BARX2: variants seen among roughly 807,000 people sequenced by gnomAD.
The protein encoded by BARX2 is homeobox protein BarH-like 2.
A neutral mutation model predicts 25.5 loss-of-function variants in BARX2; 11 were observed. The observed-to-expected ratio is 0.43, with a 90% CI of 0.27 to 0.71. The LOEUF is 0.71. Among genes scored for constraint, BARX2 ranks in the 30% least tolerant of loss-of-function variants. BARX2 has a pLI of 0.19. For synonymous variants in BARX2, 137 were observed against 149.5 expected (o/e 0.92, Z 0.61); for missense variants, 360 against 359.9 (o/e 1.00, Z 0.00).
chr11:129,375,946 C>T lies in BARX2; in HGVS notation c.-90C>T. On this transcript the variant is annotated 5_prime_UTR_variant, in exon 1 of 4. Transcript: ENST00000281437. This position sits in a 1 kb window ranked among gnomAD's most constrained non-coding sequence, Gnocchi z 4.0. ...CTCCCCAGCTGCCGGGAGCGGGGCC[C>T]AGGCCCCGCCGTCGCGCCAGCCCCG... The T allele has an allele frequency of 2.6e-6, 2 of 784,236 alleles. No individual in the cohort carries two copies. The highest frequency in any genetic ancestry group is 3.1e-6 in the Non-Finnish European group (2 of 644,236). 48.6% of individuals were successfully genotyped at this position (784,236 alleles called of 1,614,324 possible).
At chr11:129,411,905 C>T (rs910952421) in intron 1 of BARX2, among the ~76,000 whole-genome samples, 4 of 152,188 alleles carry the variant, frequency 2.6e-5, no homozygotes, top group Non-Finnish European at 4.4e-5. Context: ...CCTGTCCTTT[C>T]GAGGAACTCG....
intron 1 of BARX2, among the ~76,000 whole-genome samples, chr11:129,404,206 C>T (rs567262807): frequency 3.9e-5 from 6 of 152,350 alleles, no homozygotes; most frequent in South Asian, 4.1e-4. Context: ...TTCTGAATGA[C>T]GTTGCCACGT....
intron 1 of BARX2, among the ~76,000 whole-genome samples, chr11:129,409,697 T>C (rs1254673216): frequency 1.3e-5 from 2 of 152,202 alleles, no homozygotes; most frequent in Non-Finnish European, 2.9e-5. Flanking sequence ...TGGTTTGATT[T>C]TTTCCCCTCT....
Position 129,375,991 on chromosome 11 carries a change from A to C in BARX2, c.-45A>C. The C allele has an allele frequency of 8.1e-7, 1 of 1,228,266 alleles. No individual in the cohort carries two copies. The highest frequency in any genetic ancestry group is 2.5e-5 in the South Asian group (1 of 40,584). 76.1% of individuals were successfully genotyped at this position (1,228,266 alleles called of 1,614,324 possible). A position where few individuals can be genotyped will look rare whatever the true frequency, so the allele number is the denominator to read the frequency against. On this transcript the variant is annotated 5_prime_UTR_variant, in exon 1 of 4. Transcript: ENST00000281437. This position sits in a 1 kb window ranked among gnomAD's most constrained non-coding sequence, Gnocchi z 4.0. ...GCCCCGCGGCCCCAGCGGGCCGGGC[A>C]CTCGCAGCCGCGCTCGGGCCGGCGG... is the stretch of plus-strand genomic sequence containing the variant.
chr11:129,440,680 G>T (rs1023497643), intron 2 of BARX2, among the ~76,000 whole-genome samples: 3 of 152,218 alleles, frequency 2.0e-5, no homozygotes, highest in African/African-American at 7.2e-5. Context: ...AAGACTCTGT[G>T]TATTATTGGG....
chr11:129,389,561 T>A (rs1290991685), intron 1 of BARX2, among the ~76,000 whole-genome samples: 2 of 152,028 alleles, frequency 1.3e-5, no homozygotes, highest in Non-Finnish European at 1.5e-5. Context: ...TTACTTTATT[T>A]TTTTTTTTAA....
At position 129,442,871 on chromosome 11, in the gene BARX2, G is replaced by T; in HGVS notation, c.525G>T (p.Leu175=). 1 of 1,614,002 alleles carries T rather than the reference G, an allele frequency of 6.2e-7. No individual in the cohort carries two copies. Among genetic ancestry groups the T allele is most frequent in the Non-Finnish European group, 8.5e-7 (1 of 1,179,928 alleles). Residue 175 remains leucine (L), a synonymous_variant, in exon 3 of 4, where the codon CTG becomes CTT. Coordinates refer to ENST00000281437, the MANE Select transcript of BARX2 (RefSeq NM_003658.5). ...CTCAGTCTCTGGGACTCACTCAGCTGCAGGTGAAGACCTGGTATCAGAATC... is the reference window on the plus strand; with the variant it reads ...CTCAGTCTCTGGGACTCACTCAGCTTCAGGTGAAGACCTGGTATCAGAATC... ...DLAQSLGLTQ[L]QVKTWYQNRR...
intron 1 of BARX2, among the ~76,000 whole-genome samples, chr11:129,379,508 G>A (rs1462255120): frequency 6.6e-6 from 1 of 151,968 alleles, no homozygotes. Flanking sequence ...CATTTAGGAT[G>A]CTTTATTTTC....
intron 1 of BARX2, among the ~76,000 whole-genome samples, chr11:129,388,166 G>C (rs1022211885): frequency 3.3e-5 from 5 of 152,014 alleles, no homozygotes; most frequent in Admixed American, 1.3e-4. Context: ...CATCAGCTCT[G>C]TTGGAACTTA....
intron 1 of BARX2, among the ~76,000 whole-genome samples, chr11:129,386,936 C>T (rs1327285397): frequency 1.3e-5 from 2 of 152,200 alleles, no homozygotes; most frequent in Non-Finnish European, 2.9e-5. Flanking sequence ...GGGGGCCTCA[C>T]CCCACCCACA....
intron 1 of BARX2, among the ~76,000 whole-genome samples, chr11:129,405,290 T>G (rs1262856841): frequency 1.3e-5 from 2 of 152,256 alleles, no homozygotes; most frequent in East Asian, 1.9e-4. Context: ...CTAGAAGGGG[T>G]GATGATAGAG....
intron 1 of BARX2, among the ~76,000 whole-genome samples, chr11:129,400,940 G>A (rs1312162498): frequency 1.3e-5 from 2 of 152,218 alleles, no homozygotes; most frequent in Admixed American, 6.5e-5. Flanking sequence ...GTGATCAGCT[G>A]TGTTAAAGGC....
intron 1 of BARX2, among the ~76,000 whole-genome samples, chr11:129,430,698 T>G (rs544036260): frequency 6.6e-6 from 1 of 152,302 alleles, no homozygotes; most frequent in South Asian, 2.1e-4. Flanking sequence ...TTCCCCTTTG[T>G]GGTTAAGCTC....
intron 2 of BARX2, among the ~76,000 whole-genome samples, chr11:129,439,981 C>T (rs1479533465): frequency 2.6e-5 from 4 of 152,074 alleles, no homozygotes. Flanking sequence ...CCAGGCATCT[C>T]TCAGGTCACC....
At chr11:129,427,094 CT>C (rs1434877535) in intron 1 of BARX2, among the ~76,000 whole-genome samples, 19 of 152,298 alleles carry the variant, frequency 1.2e-4, no homozygotes, top group African/African-American at 4.1e-4. Flanking sequence ...AATTAATCTA[CT>C]TTAATTTGGC....
At chr11:129,411,215 C>CA (rs1861882872) in intron 1 of BARX2, among the ~76,000 whole-genome samples, 1 of 151,744 alleles carries the variant, frequency 6.6e-6, no homozygotes, top group Non-Finnish European at 1.5e-5. Flanking sequence ...ACTAAAAATA[C>CA]AAAAAATTAG....
intron 1 of BARX2, among the ~76,000 whole-genome samples, chr11:129,419,596 G>A (rs1300365009): frequency 6.6e-6 from 1 of 152,130 alleles, no homozygotes; most frequent in African/African-American, 2.4e-5. Context: ...TATGTGCAAA[G>A]TCCAGCCCCT....
chr11:129,410,381 A>G (rs781212947), intron 1 of BARX2, among the ~76,000 whole-genome samples: 3 of 152,128 alleles, frequency 2.0e-5, no homozygotes, highest in Non-Finnish European at 4.4e-5. Flanking sequence ...TGTTAATGAC[A>G]GCTTTCTTTA....
At chr11:129,384,903 T>C (rs560957178) in intron 1 of BARX2, among the ~76,000 whole-genome samples, 1 of 152,302 alleles carries the variant, frequency 6.6e-6, no homozygotes, top group African/African-American at 2.4e-5. Flanking sequence ...GTTTATCATC[T>C]CCTTTGGTAA....
Sources: gnomAD v4.1 joint callset for allele counts (sites outside exome capture counted in the v4.1 genomes callset) on GRCh38, gnomAD v4.1.1 for gene constraint, Gnocchi (gnomAD v3.1) non-coding constraint, MANE v1.5 for transcripts, NCBI Gene and HGNC (gene_info 2026-07-23, HGNC 2026-07-21) for gene names.